Variants in ATG2B observed in about 807,000 individuals in gnomAD.
ATG2B encodes the protein autophagy-related protein 2 homolog B.
In ATG2B, 121 loss-of-function variants were observed where a neutral mutation model predicts 241.3. The observed-to-expected ratio is 0.50, with a 90% CI of 0.43 to 0.58. The LOEUF is 0.58. Ranked by LOEUF, ATG2B falls within the 20% of genes least tolerant of loss-of-function variation. The pLI, the probability that ATG2B is intolerant of heterozygous loss-of-function variation, is 0.00. For synonymous variants in ATG2B, 858 were observed against 876.6 expected (o/e 0.98, Z 0.37); for missense variants, 2,306 against 2,491.6 (o/e 0.93, Z 1.59).
chr14:96,333,483 A>G (rs1887792367), intron 8 of ATG2B, among the ~76,000 whole-genome samples: 1 of 152,204 alleles, frequency 6.6e-6, no homozygotes, highest in Non-Finnish European at 1.5e-5. Context: ...CAAAATCAAA[A>G]AAATATACTA....
rs761610548 is a variant in ATG2B at position 96,341,669 on chromosome 14, G to A, written c.777C>T (p.Asn259=). The A allele has an allele frequency of 2.5e-6, 4 of 1,588,264 alleles. No homozygotes were observed. Among genetic ancestry groups the A allele is most frequent in the Non-Finnish European group, 8.6e-7 (1 of 1,165,026 alleles). The change falls in exon 6 of 42, where the codon AAC becomes AAT. Residue 259 remains asparagine, a synonymous_variant. Transcript: ENST00000359933. ...ETEPKLSPSW[N]PKIIYEPHPQ... ...GGTGTGGCTCATAAATAATTTTGGG[G>A]TTCCAGCTAGGTGAGAGCTTTGGCT... is the stretch of plus-strand genomic sequence containing the variant.
intron 33 of ATG2B, 63 bp from the exon 34 acceptor site, chr14:96,302,171 A>C: frequency 6.8e-6 from 7 of 1,028,662 alleles, no homozygotes; most frequent in Non-Finnish European, 1.0e-5. Context: ...TTCTCTTTAA[A>C]AATAAGAAAA....
At chr14:96,288,331 T>C (rs144958657) in intron 41 of ATG2B, among the ~76,000 whole-genome samples, 21 of 152,270 alleles carry the variant, frequency 1.4e-4, no homozygotes, top group Admixed American at 8.5e-4. Context: ...AAAATTAATA[T>C]AGATTAAATT....
At chr14:96,328,214 TTTA>T (rs1455385465) in intron 14 of ATG2B, 130 bp downstream of exon 14, 14 of 598,202 alleles carry the variant, frequency 2.3e-5, no homozygotes, top group African/African-American at 7.4e-5. Flanking sequence ...GTCTCCTTTT[TTTA>T]TTATTACAAA....
In ATG2B at chr14:96,307,052, C is replaced by T. The variant is rs34869733; in HGVS notation, c.4304-136G>A. 0.38 allele frequency: 293,306 copies of T among 780,732 alleles called. 59,213 individuals are homozygous for T. Among genetic ancestry groups the T allele is most frequent in the Non-Finnish European group, 0.43 (215,332 of 499,762 alleles). The allele number at this position is 780,732 out of a possible 1,614,324, so 48.4% of individuals were successfully genotyped here. A position where few individuals can be genotyped will look rare whatever the true frequency, so the allele number is the denominator to read the frequency against. ...TATTTCCTAAAATAAGTCTATGAATCTGAGGCTTAAAGAGAGCTAAGTAAC... is the reference window on the plus strand; with the variant it reads ...TATTTCCTAAAATAAGTCTATGAATTTGAGGCTTAAAGAGAGCTAAGTAAC... On this transcript the variant is annotated intron_variant, in intron 29 of 41. Coordinates refer to ENST00000359933, the MANE Select transcript of ATG2B (RefSeq NM_018036.7).
At chr14:96,342,958 A>T (rs990272094) in intron 5 of ATG2B, among the ~76,000 whole-genome samples, 161 bp downstream of exon 5, 2 of 152,224 alleles carry the variant, frequency 1.3e-5, no homozygotes, top group Non-Finnish European at 2.9e-5. Context: ...TAGTATTTTC[A>T]AATCTCTGAA....
At chr14:96,341,933 G>A (rs944394065) in intron 5 of ATG2B, among the ~76,000 whole-genome samples, 11 of 152,124 alleles carry the variant, frequency 7.2e-5, no homozygotes, top group Non-Finnish European at 1.3e-4. Flanking sequence ...ATGAAAAAAA[G>A]CACAGTATCT....
At chr14:96,356,844 TTAACC>T (rs1441280940) in intron 1 of ATG2B, among the ~76,000 whole-genome samples, 1 of 152,222 alleles carries the variant, frequency 6.6e-6, no homozygotes, top group Non-Finnish European at 1.5e-5. Flanking sequence ...AGTAAGTTAT[TTAACC>T]TCACAGTAAA....
At chr14:96,294,248 A>G (rs1046374635) in intron 36 of ATG2B, among the ~76,000 whole-genome samples, 1 of 152,250 alleles carries the variant, frequency 6.6e-6, no homozygotes, top group Non-Finnish European at 1.5e-5. Flanking sequence ...AAAGCAGCAC[A>G]GAAAATCAGG....
In ATG2B at chr14:96,308,264, ATATATATATATATATATATT is replaced by A. The variant is rs1566719861; in HGVS notation, c.4303+1169_4303+1188del. On this transcript the variant is annotated intron_variant, in intron 29 of 41. Transcript: ENST00000359933. ...TATATATATATATACACACATATAT[ATATATATATATATATATATT>A]TTTTTTTTTTTTTTTTTTGAGACAG... Among the ~76,000 whole-genome samples, 32 of 12,614 alleles carry A rather than the reference ATATATATATATATATATATT, an allele frequency of 2.5e-3. 2 individuals are homozygous for A. The highest frequency in any genetic ancestry group is 0.011 in the African/African-American group (27 of 2,516). 8.3% of individuals were successfully genotyped at this position (12,614 alleles called of 152,430 possible).
intron 29 of ATG2B, among the ~76,000 whole-genome samples, chr14:96,307,423 AC>A (rs1194895456): frequency 0.01 from 1,584 of 152,064 alleles, 27 homozygotes; most frequent in African/African-American, 0.036. Flanking sequence ...AAACAAACAA[AC>A]AAACAAAAAA....
At chr14:96,356,037 G>A (rs28515714) in intron 1 of ATG2B, among the ~76,000 whole-genome samples, 1,561 of 152,048 alleles carry the variant, frequency 0.01, 35 homozygotes, top group African/African-American at 0.036. Flanking sequence ...CAGGCGTCGG[G>A]GTGGGAGCCT....
intron 14 of ATG2B, among the ~76,000 whole-genome samples, chr14:96,326,248 C>A (rs1315490857): frequency 1.3e-5 from 2 of 152,112 alleles, no homozygotes; most frequent in Non-Finnish European, 2.9e-5. Flanking sequence ...TGTAAATTAG[C>A]CTACCAACAA....
rs1237902215 is a variant in ATG2B at position 96,344,795 on chromosome 14, T to C, written c.479-39A>G. 3.3e-6 allele frequency: 3 copies of C among 902,344 alleles called. No homozygotes were observed. In the African/African-American group the frequency reaches 5.2e-5, roughly 16 times the overall value. 55.9% of individuals were successfully genotyped at this position (902,344 alleles called of 1,614,324 possible). Reference sequence around the variant, plus strand: ...GTAATTGTCAACGTAAGAGACCACATATATGCTAAATAAAAACCTCCAAAG... The same window carrying C: ...GTAATTGTCAACGTAAGAGACCACACATATGCTAAATAAAAACCTCCAAAG... On this transcript the variant is annotated intron_variant, in intron 3 of 41. Transcript: ENST00000359933.
chr14:96,303,324 T>C, intron 32 of ATG2B, 69 bp from the exon 33 acceptor site: 1 of 1,275,672 alleles, frequency 7.8e-7, no homozygotes, highest in Non-Finnish European at 1.0e-6. Flanking sequence ...TATTTTCTCT[T>C]TAAAATGCAA....
intron 1 of ATG2B, among the ~76,000 whole-genome samples, chr14:96,349,676 TTAGA>T (rs1888262609): frequency 6.6e-6 from 1 of 152,174 alleles, no homozygotes; most frequent in African/African-American, 2.4e-5. Flanking sequence ...GGGCAATTGC[TTAGA>T]TAGAGGTGTC....
At chr14:96,338,224 T>C (rs568987366) in intron 6 of ATG2B, among the ~76,000 whole-genome samples, 3 of 152,196 alleles carry the variant, frequency 2.0e-5, no homozygotes, top group South Asian at 2.1e-4. Context: ...TGACATAGCA[T>C]AGGTGAACAG....
At chr14:96,318,895 C>A (rs1253283406) in intron 18 of ATG2B, among the ~76,000 whole-genome samples, 2 of 152,204 alleles carry the variant, frequency 1.3e-5, no homozygotes, top group African/African-American at 2.4e-5. Flanking sequence ...TGAATTTTCT[C>A]GTTTCCCCTT....
intron 1 of ATG2B, among the ~76,000 whole-genome samples, chr14:96,347,960 A>G (rs1337221668): frequency 1.3e-5 from 2 of 152,226 alleles, no homozygotes; most frequent in Non-Finnish European, 2.9e-5. Context: ...GAACTACTAT[A>G]TGATTCGGCA....
Sources: allele counts gnomAD v4.1 joint callset (sites outside exome capture counted in the v4.1 genomes callset), GRCh38; gene constraint gnomAD v4.1.1; transcripts MANE v1.5; gene names NCBI Gene and HGNC (gene_info 2026-07-23, HGNC 2026-07-21).